The following ADAMTSL1 variants were observed in gnomAD, a reference collection of about 807,000 sequenced individuals.
The protein encoded by ADAMTSL1 is ADAMTS like 1.
Under a neutral mutation model 201.8 loss-of-function variants are expected in ADAMTSL1, and 126 were observed. The observed-to-expected ratio is 0.62, with a 90% confidence interval of 0.54 to 0.72. ADAMTSL1 has a LOEUF of 0.72. Ranked by LOEUF, ADAMTSL1 falls within the 30% of genes least tolerant of loss-of-function variation. The pLI is 0.00. For synonymous variants in ADAMTSL1, 1,121 were observed against 903.4 expected (o/e 1.24, Z -4.32); for missense variants, 2,679 against 2,277.8 (o/e 1.18, Z -3.59).
At position 18,578,674 on chromosome 9, in the gene ADAMTSL1, T is replaced by C. The variant is rs545710985; in HGVS notation, c.474+4408T>C. On this transcript the variant is annotated intron_variant, in intron 4 of 28. Transcript: ENST00000380548. ...TCAAGTGCATTTAAAGTGCTTACTA[T>C]GCCGCAATAAACATACGTGTGCATG... Among the ~76,000 whole-genome samples, 364 of 152,314 alleles carry C rather than the reference T, an allele frequency of 2.4e-3. 1 individual carries two copies. Among genetic ancestry groups the C allele is most frequent in the Non-Finnish European group, 3.9e-3 (266 of 68,028 alleles).
In ADAMTSL1 at chr9:18,885,951, A is replaced by G. The variant is rs532455967; in HGVS notation, c.4250-1880A>G. On this transcript the variant is annotated intron_variant, in intron 23 of 28. Coordinates refer to ENST00000380548, the MANE Select transcript of ADAMTSL1 (RefSeq NM_001040272.6). ...ACTAGATGATTTCTAGGGATTCCCA[A>G]TCTTGTGTAAATTTTAACAGTTCTA... Among the ~76,000 whole-genome samples, 3 of 151,704 alleles carry G rather than the reference A, an allele frequency of 2.0e-5. No individual in the cohort carries two copies. In the South Asian group the frequency reaches 6.3e-4, roughly 32 times the overall value.
Position 18,380,436 on chromosome 9 carries a change from A to G in ADAMTSL1, c.208-124393A>G, listed in dbSNP as rs189939851. On this transcript the variant is annotated intron_variant, in intron 2 of 29. Transcript: ENST00000680146. ...AATAAGGGAATAAAAATTAAGGAAT[A>G]GGTATATTTTACATAGATACTATAC... Among the ~76,000 whole-genome samples the G allele has an allele frequency of 1.5e-3, 225 of 152,348 alleles. 1 individual carries two copies. The highest frequency in any genetic ancestry group is 5.2e-3 in the African/African-American group (216 of 41,588).
At chr9:18,601,331 C>T (rs1824642101) in intron 4 of ADAMTSL1, among the ~76,000 whole-genome samples, 1 of 152,202 alleles carries the variant, frequency 6.6e-6, no homozygotes, top group Admixed American at 6.5e-5. Flanking sequence ...TAGAACCAAA[C>T]AGAAAGCTCA....
chr9:18,608,964 A>T (rs1361425301), intron 4 of ADAMTSL1, among the ~76,000 whole-genome samples: 1 of 152,180 alleles, frequency 6.6e-6, no homozygotes, highest in Non-Finnish European at 1.5e-5. Context: ...TTATACTAAG[A>T]TGGGTTGCTG....
intron 1 of ADAMTSL1, among the ~76,000 whole-genome samples, chr9:18,094,854 C>T (rs1272160486): frequency 6.6e-6 from 1 of 151,760 alleles, no homozygotes; most frequent in Non-Finnish European, 1.5e-5. Context: ...GTCTGAGCCA[C>T]TGCACCTGGC....
At chr9:18,066,112 A>C (rs1275783991) in intron 1 of ADAMTSL1, among the ~76,000 whole-genome samples, 1 of 152,102 alleles carries the variant, frequency 6.6e-6, no homozygotes, top group African/African-American at 2.4e-5. Flanking sequence ...GATGTTATTT[A>C]ATATAGTGTC....
rs574634945 is a variant in ADAMTSL1 at position 18,044,668 on chromosome 9, A to G, written c.88-119194A>G. ...TGAGTTCAAACTGCCAGGTGAAGCC[A>G]GAATATTCAGTGATCTCAGTTCTAA... is the stretch of plus-strand genomic sequence containing the variant. On this transcript the variant is annotated intron_variant, in intron 1 of 29. Transcript: ENST00000680146. 2.0e-3 allele frequency among the ~76,000 whole-genome samples: 298 copies of G among 152,344 alleles called. 1 individual carries two copies. Among genetic ancestry groups the G allele is most frequent in the Middle Eastern group, 0.01 (3 of 294 alleles).
At chr9:18,485,400 G>T (rs1019485159) in intron 1 of ADAMTSL1, among the ~76,000 whole-genome samples, 1 of 152,190 alleles carries the variant, frequency 6.6e-6, no homozygotes, top group Admixed American at 6.5e-5. Flanking sequence ...GGATTGGCCT[G>T]CTGTCTGCCA....
At chr9:18,095,032 C>T (rs1444367851) in intron 1 of ADAMTSL1, among the ~76,000 whole-genome samples, 1 of 152,162 alleles carries the variant, frequency 6.6e-6, no homozygotes, top group East Asian at 1.9e-4. Flanking sequence ...CTATGTAGGT[C>T]ACAGGTTCAG....
chr9:18,211,229 C>T (rs1331065616), intron 2 of ADAMTSL1, among the ~76,000 whole-genome samples: 3 of 152,146 alleles, frequency 2.0e-5, no homozygotes, highest in Non-Finnish European at 4.4e-5. Flanking sequence ...AACTTTTTAA[C>T]TCCATGGCTC....
intron 2 of ADAMTSL1, among the ~76,000 whole-genome samples, chr9:18,390,427 G>T (rs1214880628): frequency 6.6e-6 from 1 of 152,182 alleles, no homozygotes; most frequent in Non-Finnish European, 1.5e-5. Context: ...GCAATATTGA[G>T]TTCTAAACTG....
chr9:17,972,582 G>A (rs1425256280), intron 1 of ADAMTSL1, among the ~76,000 whole-genome samples: 1 of 151,728 alleles, frequency 6.6e-6, no homozygotes, highest in East Asian at 1.9e-4. Context: ...ATTTAGGTTG[G>A]TTCCAAGTCT....
At chr9:18,327,905 G>A (rs1261151370) in intron 2 of ADAMTSL1, among the ~76,000 whole-genome samples, 7 of 152,138 alleles carry the variant, frequency 4.6e-5, no homozygotes, top group Admixed American at 4.6e-4. Context: ...GTAGATTGTG[G>A]AAGCTCAAAG....
At chr9:18,298,258 A>G (rs1252203120) in intron 2 of ADAMTSL1, among the ~76,000 whole-genome samples, 2 of 152,212 alleles carry the variant, frequency 1.3e-5, no homozygotes, top group Non-Finnish European at 2.9e-5. Context: ...ACAAGATACC[A>G]AAAGTACCAG....
At chr9:18,194,129 T>C (rs1829080501) in intron 2 of ADAMTSL1, among the ~76,000 whole-genome samples, 1 of 151,950 alleles carries the variant, frequency 6.6e-6, no homozygotes, top group Non-Finnish European at 1.5e-5. Flanking sequence ...AGAAGTAGGA[T>C]GTGTAGGAAG....
intron 1 of ADAMTSL1, among the ~76,000 whole-genome samples, chr9:18,074,583 T>C (rs551989180): frequency 1.1e-4 from 17 of 151,742 alleles, no homozygotes; most frequent in African/African-American, 3.9e-4. Context: ...TTCTTTCTTT[T>C]TTTGTTGTTG....
chr9:18,205,202 TAAAAC>T (rs1829600823), intron 2 of ADAMTSL1, among the ~76,000 whole-genome samples: 1 of 152,134 alleles, frequency 6.6e-6, no homozygotes. Flanking sequence ...TTTACTATGT[TAAAAC>T]AATTAAAAAG....
intron 21 of ADAMTSL1, chr9:18,826,012 C>T (rs1588174402): frequency 1.0e-5 from 6 of 582,640 alleles, no homozygotes; most frequent in East Asian, 8.3e-5. Context: ...CTTCCTGTCT[C>T]ATCACTGTAA....
chr9:18,262,821 C>G (rs771546372), intron 2 of ADAMTSL1, among the ~76,000 whole-genome samples: 2 of 152,192 alleles, frequency 1.3e-5, no homozygotes, highest in African/African-American at 4.8e-5. Flanking sequence ...ATGGAATGTT[C>G]AAATGACAAC....
Sources: allele counts gnomAD v4.1 joint callset (sites outside exome capture counted in the v4.1 genomes callset), GRCh38; gene constraint gnomAD v4.1.1; transcripts MANE v1.5; gene names NCBI Gene and HGNC (gene_info 2026-07-23, HGNC 2026-07-21).